Variants in PRSS12 observed in about 807,000 individuals in gnomAD.
PRSS12 encodes the protein neurotrypsin.
Under a neutral mutation model 104.4 loss-of-function variants are expected in PRSS12, and 85 were observed. The observed-to-expected ratio is 0.81, with a 90% CI of 0.68 to 0.98. The LOEUF (loss-of-function observed/expected upper bound fraction) is 0.98, where lower values mean the gene tolerates loss of function less well. Ranked by LOEUF, PRSS12 falls within the 50% of genes least tolerant of loss-of-function variation. The probability of loss-of-function intolerance (pLI) is 0.00; values close to 1 mark genes in which losing one functional copy is unlikely to be tolerated. For missense variants in PRSS12, 1,141 were observed against 1,139.2 expected, an observed-to-expected ratio of 1.00 and a Z score of -0.02; for synonymous variants, 454 against 425.2, an observed-to-expected ratio of 1.07 and a Z score of -0.83.
intron 4 of PRSS12, among the ~76,000 whole-genome samples, chr4:118,321,887 T>C (rs1016998401): frequency 6.6e-6 from 1 of 152,182 alleles, no homozygotes; most frequent in East Asian, 1.9e-4. Context: ...TTATGGCCTA[T>C]AGGAGACTGA....
chr4:118,288,080 T>C (rs1350960378), intron 11 of PRSS12, among the ~76,000 whole-genome samples: 1 of 152,250 alleles, frequency 6.6e-6, no homozygotes, highest in African/African-American at 2.4e-5. Flanking sequence ...CAGGGTCATA[T>C]TCTTTGTGTT....
intron 5 of PRSS12, among the ~76,000 whole-genome samples, chr4:118,316,837 A>AAATATATATATATATATATATATATAT (rs35698159): frequency 4.0e-5 from 4 of 99,192 alleles, no homozygotes; most frequent in Non-Finnish European, 8.1e-5. Context: ...AAAAAAAAAA[A>AAATATATATATATATATATATATATAT]ATATATATAT....
At chr4:118,337,769 T>C (rs1724098296) in intron 2 of PRSS12, among the ~76,000 whole-genome samples, 1 of 152,042 alleles carries the variant, frequency 6.6e-6, no homozygotes, top group Non-Finnish European at 1.5e-5. Context: ...GCTGTGCTAA[T>C]TAATTAATTA....
At chr4:118,341,130 A>G (rs1242666339) in intron 1 of PRSS12, among the ~76,000 whole-genome samples, 2 of 152,150 alleles carry the variant, frequency 1.3e-5, no homozygotes, top group African/African-American at 4.8e-5. Context: ...TCTATGGCCC[A>G]CCTTGGAAAA....
At position 118,335,565 on chromosome 4, in the gene PRSS12, T is replaced by A. The variant is rs1458247604; in HGVS notation, c.728A>T (p.Glu243Val). 1 of 1,614,120 alleles carries A rather than the reference T, an allele frequency of 6.2e-7. No individual in the cohort carries two copies. Among genetic ancestry groups the A allele is most frequent in the Admixed American group, 1.7e-5 (1 of 60,010 alleles). Residue 243 changes from glutamate to valine, a missense_variant, in exon 3 of 13, where the codon GAA becomes GTA. Coordinates refer to ENST00000296498, the MANE Select transcript of PRSS12 (RefSeq NM_003619.4). ...YWSNVRCRGD[E>V]ENILLCEKDI... ...TTTTTCACAAAGCAGTATATTTTCTTCATCTCCTCGGCAACGGACATTGCT... is the reference window on the plus strand; with the variant it reads ...TTTTTCACAAAGCAGTATATTTTCTACATCTCCTCGGCAACGGACATTGCT...
chr4:118,303,935 T>C (rs527544603), intron 8 of PRSS12: 13 of 152,118 alleles, frequency 8.5e-5, no homozygotes, highest in Non-Finnish European at 1.6e-4. Context: ...GCTTCCTTAA[T>C]CCAAGCAACA....
chr4:118,350,498 G>A (rs950055283), intron 1 of PRSS12, among the ~76,000 whole-genome samples: 13 of 152,134 alleles, frequency 8.5e-5, no homozygotes, highest in African/African-American at 3.1e-4. Context: ...CTATTTTTTT[G>A]TGGTGGTGGG....
chr4:118,331,748 A>G lies in PRSS12; in HGVS notation c.939T>C (p.Asp313=), dbSNP rs761895484. 4 of 1,614,204 alleles carry G rather than the reference A, an allele frequency of 2.5e-6. No homozygotes were observed. In the South Asian group the frequency reaches 3.3e-5, roughly 13 times the overall value. The part of the protein sequence containing the change: ...TVCDDQWDDA[D]AEVICRQLGL... ...CCAGCTGCCTGCAGATCACTTCTGCATCGGCATCATCCCATTGGTCATCAC... is the reference window on the plus strand; with the variant it reads ...CCAGCTGCCTGCAGATCACTTCTGCGTCGGCATCATCCCATTGGTCATCAC... The change falls in exon 4 of 13, where the codon GAT becomes GAC. Residue 313 remains aspartate (D), a synonymous_variant. Transcript: ENST00000296498.
At chr4:118,302,839 G>A (rs1374149663) in intron 8 of PRSS12, among the ~76,000 whole-genome samples, 2 of 152,016 alleles carry the variant, frequency 1.3e-5, no homozygotes, top group African/African-American at 4.8e-5. Context: ...AGGCAAAATT[G>A]CATAAGATTG....
At chr4:118,321,906 A>G (rs1231473940) in intron 4 of PRSS12, among the ~76,000 whole-genome samples, 1 of 152,154 alleles carries the variant, frequency 6.6e-6, no homozygotes, top group Non-Finnish European at 1.5e-5. Context: ...GAACAAATGC[A>G]TGTATGTGTT....
chr4:118,303,398 A>G (rs1274476600), intron 8 of PRSS12: 5 of 152,188 alleles, frequency 3.3e-5, no homozygotes, highest in African/African-American at 1.2e-4. Flanking sequence ...CACAAACTAA[A>G]AAAAAGCACC....
intron 11 of PRSS12, among the ~76,000 whole-genome samples, chr4:118,292,322 G>T (rs986371711): frequency 6.6e-6 from 1 of 152,092 alleles, no homozygotes; most frequent in Non-Finnish European, 1.5e-5. Flanking sequence ...AAGCAAGTGG[G>T]TCTTAACCTA....
chr4:118,338,393 G>A (rs1724114947), intron 1 of PRSS12, 79 bp from the exon 2 acceptor site: 1 of 1,559,734 alleles, frequency 6.4e-7, no homozygotes, highest in Non-Finnish European at 8.8e-7. Flanking sequence ...GGGTTAACAT[G>A]ATTTTTAAAC....
chr4:118,318,591 A>G (rs2126035809), intron 4 of PRSS12, 35 bp from the exon 5 acceptor site: 1 of 1,594,928 alleles, frequency 6.3e-7, no homozygotes, highest in East Asian at 2.3e-5. Context: ...ATTCTGGATT[A>G]GATACCAAAG....
In PRSS12 at chr4:118,280,979, T is replaced by C. The variant is rs1469161365; in HGVS notation, c.*957A>G. The stretch of plus-strand genomic sequence containing the variant: ...TGCCTGGCATATGTTATAACTGCTG[T>C]ATGTATTAGAACTTTTCAATGTGTA... On this transcript the variant is annotated 3_prime_UTR_variant, in exon 13 of 13. Transcript: ENST00000296498. 1 of 152,242 alleles carries C rather than the reference T, an allele frequency of 6.6e-6. No individual in the cohort carries two copies. The highest frequency in any genetic ancestry group is 2.4e-5 in the African/African-American group (1 of 41,456). The allele number at this position is 152,242 out of a possible 1,614,324, so 9.4% of individuals were successfully genotyped here.
intron 3 of PRSS12, 131 bp downstream of exon 3, chr4:118,335,342 A>T: frequency 9.3e-7 from 1 of 1,079,890 alleles, no homozygotes. Flanking sequence ...ATGGTAAAAT[A>T]TTTTGACTCA....
In PRSS12 at chr4:118,281,405, G is replaced by T. The variant is rs886059028; in HGVS notation, c.*531C>A. 3 of 168,944 alleles carry T rather than the reference G, an allele frequency of 1.8e-5. No individual in the cohort carries two copies. The East Asian group carries it at 4.6e-4, about 26-fold the overall frequency. 10.5% of individuals were successfully genotyped at this position (168,944 alleles called of 1,614,324 possible). A position where few individuals can be genotyped will look rare whatever the true frequency, so the allele number is the denominator to read the frequency against. ...TTGAGGCTTTACTACTCCTATTCAG[G>T]CCTAAAAGTTTATAGTGGAATTCTT... is the stretch of plus-strand genomic sequence containing the variant. On this transcript the variant is annotated 3_prime_UTR_variant, in exon 13 of 13. Transcript: ENST00000296498.
intron 8 of PRSS12, among the ~76,000 whole-genome samples, chr4:118,307,771 T>C (rs769614254): frequency 2.6e-5 from 4 of 152,336 alleles, no homozygotes; most frequent in Admixed American, 6.5e-5. Context: ...GCTTATCTAA[T>C]GCATGCATTT....
chr4:118,335,624 C>T lies in PRSS12; in HGVS notation c.669G>A (p.Pro223=), dbSNP rs151271524. Residue 223 remains proline, a synonymous_variant, in exon 3 of 13, where the codon CCG becomes CCA. Transcript: ENST00000296498. The part of the protein sequence containing the change: ...LGGKGIAKQT[P]FSGLGLIPIY... ...TGGGAATAAGGCCCAGTCCAGAAAA[C>T]GGGGTTTGTTTTGCTATTCCTTTTC... The T allele has an allele frequency of 1.7e-4, 272 of 1,613,588 alleles. No homozygotes were observed. The highest frequency in any genetic ancestry group is 2.1e-4 in the Non-Finnish European group (252 of 1,179,888).
Sources: gnomAD v4.1 joint callset for allele counts (sites outside exome capture counted in the v4.1 genomes callset) on GRCh38, gnomAD v4.1.1 for gene constraint, MANE v1.5 for transcripts, NCBI Gene and HGNC (gene_info 2026-07-23, HGNC 2026-07-21) for gene names.